The following FHAD1 variants were observed in gnomAD, a reference collection of about 807,000 sequenced individuals.
The protein encoded by FHAD1 is forkhead associated phosphopeptide binding domain 1, also known as forkhead-associated domain-containing protein 1.
FHAD1 carries 146 observed loss-of-function variants against 191.3 expected under a neutral mutation model. The observed-to-expected ratio is 0.76, with a 90% confidence interval of 0.67 to 0.88. The LOEUF is 0.88. FHAD1 is among the 40% of genes least tolerant of loss of function. The pLI is 0.00. For synonymous variants in FHAD1, 616 were observed against 672.3 expected, an observed-to-expected ratio of 0.92 and a Z score of 1.29; for missense variants, 1,635 against 1,785.8, an observed-to-expected ratio of 0.92 and a Z score of 1.52.
At chr1:15,315,547 G>A (rs7541093) in intron 8 of FHAD1, among the ~76,000 whole-genome samples, 3,763 of 146,638 alleles carry the variant, frequency 0.026, 159 homozygotes, top group African/African-American at 0.09. Flanking sequence ...GTGCAGTGGC[G>A]CGATCTCAGC....
chr1:15,335,241 A>T (rs2102008918), intron 14 of FHAD1: 1 of 152,316 alleles, frequency 6.6e-6, no homozygotes, highest in South Asian at 2.1e-4. Context: ...TTTAGGCGGC[A>T]CCTTGAAAGT....
At chr1:15,392,343 T>G (rs373547991) in intron 33 of FHAD1, among the ~76,000 whole-genome samples, 2 of 152,118 alleles carry the variant, frequency 1.3e-5, no homozygotes, top group Admixed American at 1.3e-4. Flanking sequence ...CCATCCTGGC[T>G]AACACGGTGA....
At chr1:15,291,978 C>T (rs1664925595) in intron 4 of FHAD1, among the ~76,000 whole-genome samples, 1 of 152,218 alleles carries the variant, frequency 6.6e-6, no homozygotes, top group South Asian at 2.1e-4. Context: ...GATCCAGCCT[C>T]AGGAGTCAAA....
At chr1:15,373,676 C>T (rs1698762376) in intron 26 of FHAD1, among the ~76,000 whole-genome samples, 1 of 152,110 alleles carries the variant, frequency 6.6e-6, no homozygotes, top group African/African-American at 2.4e-5. Flanking sequence ...AACAAAGCGA[C>T]ATCCTGTCTC....
At chr1:15,379,482 G>T (rs967990188) in intron 28 of FHAD1, among the ~76,000 whole-genome samples, 2 of 152,172 alleles carry the variant, frequency 1.3e-5, no homozygotes, top group African/African-American at 4.8e-5. Flanking sequence ...CCAGGGACGG[G>T]CAGGAGACAG....
At chr1:15,306,059 G>A (rs1477955042) in intron 6 of FHAD1, among the ~76,000 whole-genome samples, 1 of 152,198 alleles carries the variant, frequency 6.6e-6, no homozygotes, top group East Asian at 1.9e-4. Context: ...TTGCTGAATG[G>A]CTTTGACAAA....
At position 15,301,271 on chromosome 1, in the gene FHAD1, T is replaced by C; in HGVS notation, c.745T>C (p.Tyr249His). Reference sequence around the variant, plus strand: ...CTCAGATTATGAAATTGAATCCAAATACAAAGACGTCATAATAGCAAACCT... The same window carrying C: ...CTCAGATTATGAAATTGAATCCAAACACAAAGACGTCATAATAGCAAACCT... ...RLSDYEIESKYKDVIIANLQN... is the reference protein window; with the variant it reads ...RLSDYEIESKHKDVIIANLQN... The change falls in exon 6 of 34, where the codon TAC becomes CAC. Residue 249 changes from tyrosine to histidine, a missense_variant. Tyr to His is a moderately conservative substitution (Grantham distance 83, BLOSUM62 2). Transcript: ENST00000688493. 2 of 1,551,632 alleles carry C rather than the reference T, an allele frequency of 1.3e-6. No individual in the cohort carries two copies. Among genetic ancestry groups the C allele is most frequent in the Middle Eastern group, 1.7e-4 (1 of 5,992 alleles).
At chr1:15,353,704 C>CA (rs60518389) in intron 20 of FHAD1, among the ~76,000 whole-genome samples, 2,314 of 60,788 alleles carry the variant, frequency 0.038, 115 homozygotes, top group African/African-American at 0.086. Flanking sequence ...GACTCCATCT[C>CA]AAAAAAAAAA....
chr1:15,300,251 C>G (rs975379442), intron 5 of FHAD1, among the ~76,000 whole-genome samples: 2 of 152,080 alleles, frequency 1.3e-5, no homozygotes, highest in Non-Finnish European at 2.9e-5. Flanking sequence ...AGATGGGGGA[C>G]TGGGTTAATG....
At chr1:15,400,995 G>A (rs896015822), downstream of FHAD1, among the ~76,000 whole-genome samples, 2 of 152,304 alleles carry the variant, frequency 1.3e-5, no homozygotes, top group Non-Finnish European at 2.9e-5. Flanking sequence ...ATTCCCAGCT[G>A]ACCCAGAAGA....
chr1:15,380,791 A>C lies in FHAD1; in HGVS notation c.3796A>C (p.Lys1266Gln). The C allele has an allele frequency of 6.4e-7, 1 of 1,551,508 alleles. No homozygotes were observed. The highest frequency in any genetic ancestry group is 8.7e-7 in the Non-Finnish European group (1 of 1,146,910). ...DVAEALELSEKLYLDMSKTLG... is the reference protein window; with the variant it reads ...DVAEALELSEQLYLDMSKTLG... ...GGCTGAGGCTTTAGAGCTCAGTGAA[A>C]AGCTGGTATGTACATCCAGCATCCA... The change falls in exon 29 of 34, where the codon AAG becomes CAG. Residue 1266 changes from lysine to glutamine, a missense_variant. Lys to Gln is a moderately conservative substitution (Grantham distance 53, BLOSUM62 1). Coordinates refer to ENST00000688493, the MANE Select transcript of FHAD1 (RefSeq NM_001391957.1).
At chr1:15,396,499 A>G (rs965072230) in intron 33 of FHAD1, among the ~76,000 whole-genome samples, 1 of 152,096 alleles carries the variant, frequency 6.6e-6, no homozygotes, top group African/African-American at 2.4e-5. Context: ...CAAATATTTT[A>G]TTTTGTGTAC....
At chr1:15,365,181 A>G (rs1696018709) in intron 23 of FHAD1, among the ~76,000 whole-genome samples, 1 of 152,044 alleles carries the variant, frequency 6.6e-6, no homozygotes, top group African/African-American at 2.4e-5. Flanking sequence ...CCTCCCCAAA[A>G]TAGTCTTCCC....
chr1:15,293,457 T>A (rs188980659), intron 4 of FHAD1, among the ~76,000 whole-genome samples: 13 of 152,146 alleles, frequency 8.5e-5, no homozygotes, highest in Non-Finnish European at 1.6e-4. Flanking sequence ...CGGTGGCTCA[T>A]GCCTGTAATC....
chr1:15,263,614 C>T (rs1030071591), intron 2 of FHAD1, among the ~76,000 whole-genome samples: 6 of 150,146 alleles, frequency 4.0e-5, no homozygotes, highest in South Asian at 2.1e-4. Context: ...CTCCGCCTCA[C>T]GGGTTCATGC....
chr1:15,367,562 A>G lies in FHAD1; in HGVS notation c.3254A>G (p.Gln1085Arg). The change falls in exon 25 of 34, where the codon CAG becomes CGG. Residue 1085 changes from glutamine to arginine, a missense_variant. Transcript: ENST00000688493. ...ELSVLKEKMA[Q>R]MSSLVEKKDR... Reference sequence around the variant, plus strand: ...AGTGTGCTCAAGGAGAAGATGGCCCAGATGAGCAGCCTGGTAGAAAAGAAA... The same window carrying G: ...AGTGTGCTCAAGGAGAAGATGGCCCGGATGAGCAGCCTGGTAGAAAAGAAA... 6.9e-7 allele frequency: 1 copy of G among 1,447,532 alleles called. No homozygotes were observed. The highest frequency in any genetic ancestry group is 1.8e-4 in the Middle Eastern group (1 of 5,502). 89.7% of individuals were successfully genotyped at this position (1,447,532 alleles called of 1,614,324 possible).
At chr1:15,252,787 A>T (rs1646943054) in intron 2 of FHAD1, among the ~76,000 whole-genome samples, 1 of 152,202 alleles carries the variant, frequency 6.6e-6, no homozygotes, top group African/African-American at 2.4e-5. Flanking sequence ...CTTTCATTCC[A>T]TTCTCTGAAT....
At chr1:15,389,306 C>T (rs867453906) in intron 32 of FHAD1, among the ~76,000 whole-genome samples, 6 of 151,856 alleles carry the variant, frequency 4.0e-5, no homozygotes, top group African/African-American at 7.3e-5. Flanking sequence ...ATTAGCCAGC[C>T]ATGGTGGCGT....
At chr1:15,371,630 T>C (rs1231052167) in intron 26 of FHAD1, among the ~76,000 whole-genome samples, 3 of 152,172 alleles carry the variant, frequency 2.0e-5, no homozygotes, top group African/African-American at 7.2e-5. Flanking sequence ...CAAAACTCAG[T>C]ATCTGCTGCC....
Sources: gnomAD v4.1 joint callset for allele counts (sites outside exome capture counted in the v4.1 genomes callset) on GRCh38, gnomAD v4.1.1 for gene constraint, MANE v1.5 for transcripts, NCBI Gene and HGNC (gene_info 2026-07-23, HGNC 2026-07-21) for gene names.